The following CACNA2D3 variants were observed in gnomAD, a reference collection of about 807,000 sequenced individuals.
The protein encoded by CACNA2D3 is voltage-dependent calcium channel subunit alpha-2/delta-3.
CACNA2D3 carries 60 observed loss-of-function variants against 160.6 expected under a neutral mutation model. That is an observed-to-expected ratio of 0.37 (90% CI 0.30 to 0.46). CACNA2D3 has a LOEUF of 0.46. CACNA2D3 is among the 20% of genes least tolerant of loss of function. The pLI is 1.00. For synonymous variants in CACNA2D3, 558 were observed against 492.9 expected (o/e 1.13, Z -1.75); for missense variants, 1,205 against 1,365.0 (o/e 0.88, Z 1.85).
intron 2 of CACNA2D3, among the ~76,000 whole-genome samples, chr3:54,287,576 C>G (rs1203008804): frequency 6.9e-6 from 1 of 144,644 alleles, no homozygotes; most frequent in Non-Finnish European, 1.5e-5. Flanking sequence ...CCAAGCAGAC[C>G]TAATAGACAT....
At chr3:54,976,263 T>C (rs988154765) in intron 29 of CACNA2D3, among the ~76,000 whole-genome samples, 2 of 144,056 alleles carry the variant, frequency 1.4e-5, no homozygotes, top group African/African-American at 5.2e-5. Context: ...CTCACTTGTG[T>C]GTGTGTGACC....
chr3:54,168,215 G>A (rs554083986), intron 2 of CACNA2D3, among the ~76,000 whole-genome samples: 81 of 152,292 alleles, frequency 5.3e-4, no homozygotes, highest in African/African-American at 1.6e-3. Flanking sequence ...GAGGTCAGTG[G>A]GAGCCTCTGT....
intron 2 of CACNA2D3, among the ~76,000 whole-genome samples, chr3:54,244,664 A>T (rs998347407): frequency 1.3e-5 from 2 of 152,200 alleles, no homozygotes; most frequent in Admixed American, 6.5e-5. Flanking sequence ...GTCCACATCC[A>T]ATATCCAGTC....
chr3:54,286,159 G>A (rs527896287), intron 2 of CACNA2D3, among the ~76,000 whole-genome samples: 1 of 152,084 alleles, frequency 6.6e-6, no homozygotes, highest in Admixed American at 6.5e-5. Context: ...CAAACCAATG[G>A]CAAAGAAGTT....
intron 2 of CACNA2D3, among the ~76,000 whole-genome samples, chr3:54,168,095 G>A (rs1299376769): frequency 6.6e-6 from 1 of 151,118 alleles, no homozygotes; most frequent in African/African-American, 2.4e-5. Flanking sequence ...TCCTATATTT[G>A]ACTTGTTAGT....
chr3:54,450,107 G>T (rs1417935299), intron 4 of CACNA2D3, among the ~76,000 whole-genome samples: 1 of 152,192 alleles, frequency 6.6e-6, no homozygotes, highest in Non-Finnish European at 1.5e-5. Flanking sequence ...GCCACTGATT[G>T]GCTCTGGGGA....
At chr3:54,923,007 C>T (rs1279604246) in intron 27 of CACNA2D3, among the ~76,000 whole-genome samples, 2 of 152,180 alleles carry the variant, frequency 1.3e-5, no homozygotes, top group African/African-American at 4.8e-5. Context: ...CATGTCTCAC[C>T]ACCCTGGTTT....
chr3:54,426,194 A>G (rs542235313), intron 4 of CACNA2D3, among the ~76,000 whole-genome samples: 1 of 152,182 alleles, frequency 6.6e-6, no homozygotes, highest in Non-Finnish European at 1.5e-5. Flanking sequence ...GCTGGTAGAC[A>G]CATTATTATT....
chr3:54,465,009 G>T (rs771752090), intron 4 of CACNA2D3, among the ~76,000 whole-genome samples: 2 of 151,892 alleles, frequency 1.3e-5, no homozygotes, highest in Non-Finnish European at 2.9e-5. Context: ...TATCCCATAA[G>T]TCCTGTAGGC....
chr3:54,499,683 G>A (rs569442823), intron 4 of CACNA2D3, among the ~76,000 whole-genome samples: 2 of 152,068 alleles, frequency 1.3e-5, no homozygotes, highest in Admixed American at 1.3e-4. Context: ...AATATTTTGG[G>A]ATTTTTTTCA....
At chr3:54,938,645 G>GAT (rs1470582042) in intron 27 of CACNA2D3, among the ~76,000 whole-genome samples, 10 of 147,892 alleles carry the variant, frequency 6.8e-5, no homozygotes, top group African/African-American at 2.5e-4. Flanking sequence ...TATACATCTT[G>GAT]ATATAGACTC....
intron 5 of CACNA2D3, among the ~76,000 whole-genome samples, chr3:54,521,633 A>G (rs981902789): frequency 5.3e-5 from 8 of 152,222 alleles, no homozygotes; most frequent in Non-Finnish European, 7.3e-5. Context: ...AGCTAAGGTC[A>G]TGAAAATTTA....
At chr3:54,969,979 T>A (rs941725591) in intron 29 of CACNA2D3, 135 bp downstream of exon 29, 2 of 560,768 alleles carry the variant, frequency 3.6e-6, no homozygotes, top group Non-Finnish European at 6.1e-6. Flanking sequence ...AAAAAAAAAA[T>A]CATTTGCTTT....
chr3:54,638,237 A>C (rs1699422942), intron 10 of CACNA2D3: 1 of 151,948 alleles, frequency 6.6e-6, no homozygotes. Context: ...AGGGCTGTAA[A>C]GTGTCTTAGG....
intron 11 of CACNA2D3, among the ~76,000 whole-genome samples, chr3:54,743,659 C>T (rs1269290432): frequency 6.6e-6 from 1 of 152,170 alleles, no homozygotes; most frequent in Admixed American, 6.5e-5. Context: ...ATTTGATGGC[C>T]TTACACATGT....
chr3:54,151,134 G>A (rs1407182800), intron 2 of CACNA2D3, among the ~76,000 whole-genome samples: 2 of 151,790 alleles, frequency 1.3e-5, no homozygotes, highest in Non-Finnish European at 2.9e-5. Context: ...TGAGTGGATG[G>A]ACAGATAGAT....
At chr3:54,603,986 A>G (rs915852311) in intron 9 of CACNA2D3, among the ~76,000 whole-genome samples, 2 of 152,168 alleles carry the variant, frequency 1.3e-5, no homozygotes, top group African/African-American at 4.8e-5. Flanking sequence ...GATACATAGC[A>G]TTCCAACCTC....
chr3:54,278,886 T>A (rs1323461122), intron 2 of CACNA2D3, among the ~76,000 whole-genome samples: 1 of 152,142 alleles, frequency 6.6e-6, no homozygotes, highest in Non-Finnish European at 1.5e-5. Flanking sequence ...CTAATGTAGA[T>A]GACGGGTTGA....
intron 2 of CACNA2D3, among the ~76,000 whole-genome samples, chr3:54,126,813 G>A (rs7628766): frequency 0.32 from 48,366 of 152,018 alleles, 8,187 homozygotes; most frequent in East Asian, 0.44. Context: ...AGGGGTTTCC[G>A]TTCACTTCAA....
Sources: gnomAD v4.1 joint callset for allele counts (sites outside exome capture counted in the v4.1 genomes callset) on GRCh38, gnomAD v4.1.1 for gene constraint, MANE v1.5 for transcripts, NCBI Gene and HGNC (gene_info 2026-07-23, HGNC 2026-07-21) for gene names.